The following STK32B variants were observed in gnomAD, a reference collection of about 807,000 sequenced individuals.
STK32B encodes the protein serine/threonine-protein kinase 32B.
In STK32B, 43 loss-of-function variants were observed where a neutral mutation model predicts 52.6. The ratio of observed to expected loss-of-function variants is 0.82; its 90% CI spans 0.64 to 1.05. The LOEUF (loss-of-function observed/expected upper bound fraction) is 1.05. Among genes scored for constraint, STK32B ranks in the 50% least tolerant of loss-of-function variants. The pLI, the probability that STK32B is intolerant of heterozygous loss-of-function variation, is 0.00. For missense variants in STK32B, 621 were observed against 534.6 expected (o/e 1.16, Z -1.59); for synonymous variants, 238 against 204.3 (o/e 1.17, Z -1.41).
the STK32B span, among the ~76,000 whole-genome samples, chr4:5,021,173 CCT>C: frequency 6.6e-6 from 1 of 152,194 alleles, no homozygotes; most frequent in Admixed American, 6.5e-5. Flanking sequence ...GCCTCCATTC[CCT>C]GTCTGTAAAC....
chr4:5,373,785 G>A (rs1250900085), intron 4 of STK32B, among the ~76,000 whole-genome samples: 1 of 152,166 alleles, frequency 6.6e-6, no homozygotes, highest in Non-Finnish European at 1.5e-5. Flanking sequence ...ACACAGCAAA[G>A]TGCTGTCTCT....
chr4:5,320,143 C>G (rs887822589), intron 3 of STK32B, among the ~76,000 whole-genome samples: 1 of 152,000 alleles, frequency 6.6e-6, no homozygotes, highest in Non-Finnish European at 1.5e-5. Context: ...TTTGATAGGT[C>G]CCTCCCCTAT....
At chr4:5,439,527 T>G (rs1403000033) in intron 6 of STK32B, among the ~76,000 whole-genome samples, 7 of 151,708 alleles carry the variant, frequency 4.6e-5, no homozygotes, top group Non-Finnish European at 7.3e-5. Flanking sequence ...GAGTAGGTTG[T>G]GAAATTTTTC....
At chr4:5,257,065 AAATG>A (rs1223709909) in intron 3 of STK32B, among the ~76,000 whole-genome samples, 4 of 140,686 alleles carry the variant, frequency 2.8e-5, no homozygotes, top group Admixed American at 6.8e-5. Context: ...ATATGTGAGT[AAATG>A]AATGAATAAG....
chr4:5,384,352 AGATGTGG>A (rs1736112380), intron 4 of STK32B, among the ~76,000 whole-genome samples: 1 of 152,150 alleles, frequency 6.6e-6, no homozygotes. Context: ...CTATTCAGGC[AGATGTGG>A]GGTGTGGACA....
intron 1 of STK32B, among the ~76,000 whole-genome samples, chr4:5,092,350 G>T (rs945697260): frequency 1.3e-5 from 2 of 152,112 alleles, no homozygotes; most frequent in Non-Finnish European, 2.9e-5. Flanking sequence ...TGGGCAACAT[G>T]GTGAAACCCT....
chr4:5,097,499 C>A (rs1560149427), intron 1 of STK32B, among the ~76,000 whole-genome samples: 3 of 125,914 alleles, frequency 2.4e-5, no homozygotes, highest in South Asian at 2.2e-4. Context: ...TGTTCCTTGG[C>A]AGATTTTAGT....
chr4:5,162,607 G>A (rs1043412493), intron 2 of STK32B, among the ~76,000 whole-genome samples: 2 of 152,204 alleles, frequency 1.3e-5, no homozygotes, highest in African/African-American at 4.8e-5. Context: ...AATTAATAAT[G>A]ATGACATCAG....
rs1560313394 is a variant in STK32B, at chr4:5,317,236, T to TATATATAATATATAACATATAAC, written c.261-13977_261-13976insATATATAACATATAACATATATA. 6.7e-4 allele frequency among the ~76,000 whole-genome samples: 38 copies of TATATATAATATATAACATATAAC among 56,630 alleles called. 11 individuals carry two copies. Among genetic ancestry groups the TATATATAATATATAACATATAAC allele is most frequent in the African/African-American group, 6.3e-3 (35 of 5,592 alleles). 37.2% of individuals were successfully genotyped at this position (56,630 alleles called of 152,430 possible). Reference sequence around the variant, plus strand: ...TAACATATATATATTATATATAACATATATATATTATATATAACATATAAC... The same window carrying TATATATAATATATAACATATAAC: ...TAACATATATATATTATATATAACATATATATAATATATAACATATAACATATATATTATATATAACATATAAC... On this transcript the variant is annotated intron_variant, in intron 3 of 11. Transcript: ENST00000282908.
intron 4 of STK32B, among the ~76,000 whole-genome samples, chr4:5,383,693 T>C (rs536352494): frequency 6.6e-6 from 1 of 152,274 alleles, no homozygotes; most frequent in Admixed American, 6.5e-5. Context: ...CACTAGGCAG[T>C]GGACTCACCC....
At chr4:5,342,902 T>C (rs1733181245) in intron 4 of STK32B, among the ~76,000 whole-genome samples, 3 of 152,216 alleles carry the variant, frequency 2.0e-5, no homozygotes, top group African/African-American at 7.2e-5. Context: ...ATTTAATAAA[T>C]CAATATTGAT....
intron 5 of STK32B, among the ~76,000 whole-genome samples, chr4:5,405,821 C>T (rs1006780306): frequency 6.6e-6 from 1 of 152,126 alleles, no homozygotes; most frequent in Non-Finnish European, 1.5e-5. Context: ...CTGGGGATTA[C>T]AATTAGACAT....
intron 3 of STK32B, among the ~76,000 whole-genome samples, chr4:5,199,663 T>C (rs185033159): frequency 1.1e-4 from 17 of 152,356 alleles, no homozygotes; most frequent in Non-Finnish European, 1.5e-5. Context: ...ACTTTGTGCT[T>C]CATAAACTCT....
intron 1 of STK32B, among the ~76,000 whole-genome samples, chr4:5,114,609 A>G (rs1375341957): frequency 6.6e-6 from 1 of 152,192 alleles, no homozygotes; most frequent in Non-Finnish European, 1.5e-5. Context: ...ATTAAATGCC[A>G]GGTTTTCTTT....
intron 7 of STK32B, among the ~76,000 whole-genome samples, chr4:5,452,322 G>A (rs3774828): frequency 0.056 from 8,504 of 152,034 alleles, 446 homozygotes; most frequent in African/African-American, 0.14. Flanking sequence ...GTGAGAGAGC[G>A]GCACTGAGTA....
Position 5,106,644 on chromosome 4 carries a change from A to C in STK32B, c.53-33261A>C, listed in dbSNP as rs535915052. ...TGCCATTTATAGATTGTTTATTGAA[A>C]TCAAATCCAAAGATAGGTCCATCCA... On this transcript the variant is annotated intron_variant, in intron 1 of 11. Transcript: ENST00000282908. 1.4e-3 allele frequency among the ~76,000 whole-genome samples: 210 copies of C among 152,298 alleles called. 1 individual carries two copies. Among genetic ancestry groups the C allele is most frequent in the Middle Eastern group, 6.8e-3 (2 of 294 alleles).
In STK32B at chr4:5,095,436, G is replaced by T. The variant is rs536097654; in HGVS notation, c.52+43521G>T. On this transcript the variant is annotated intron_variant, in intron 1 of 11. Coordinates refer to ENST00000282908, the MANE Select transcript of STK32B (RefSeq NM_018401.3). ...TCAAGACCAGTCTGGCCAACAGGGC[G>T]AAACTCTGCCTCTATTAAAACTATA... Among the ~76,000 whole-genome samples the T allele has an allele frequency of 2.6e-5, 4 of 152,264 alleles. No homozygotes were observed. The South Asian group carries it at 8.3e-4, about 32-fold the overall frequency.
At chr4:5,047,048 C>T (rs1243972534), upstream of STK32B, among the ~76,000 whole-genome samples, 1 of 152,108 alleles carries the variant, frequency 6.6e-6, no homozygotes, top group Non-Finnish European at 1.5e-5. Flanking sequence ...CATATGTTTA[C>T]TGCAGCACTG....
intron 3 of STK32B, among the ~76,000 whole-genome samples, chr4:5,330,555 C>T (rs1177897492): frequency 6.6e-6 from 1 of 152,192 alleles, no homozygotes; most frequent in African/African-American, 2.4e-5. Flanking sequence ...CATGTGATAT[C>T]TGGGGTTGCC....
Sources: gnomAD v4.1 joint callset for allele counts (sites outside exome capture counted in the v4.1 genomes callset) on GRCh38, gnomAD v4.1.1 for gene constraint, MANE v1.5 for transcripts, NCBI Gene and HGNC (gene_info 2026-07-23, HGNC 2026-07-21) for gene names.